Variants in ADAMTSL1 observed in about 807,000 individuals in gnomAD.
ADAMTSL1 encodes ADAMTS-like protein 1.
Under a neutral mutation model 201.8 loss-of-function variants are expected in ADAMTSL1, and 126 were observed. The observed-to-expected ratio is 0.62, with a 90% CI of 0.54 to 0.72. The LOEUF (loss-of-function observed/expected upper bound fraction) is 0.72. Ranked by LOEUF, ADAMTSL1 falls within the 30% of genes least tolerant of loss-of-function variation. ADAMTSL1 has a pLI of 0.00. For missense variants in ADAMTSL1, 2,679 were observed against 2,277.8 expected (o/e 1.18, Z -3.59); for synonymous variants, 1,121 against 903.4 (o/e 1.24, Z -4.32).
In ADAMTSL1 at chr9:18,680,459, C is replaced by T. The variant is rs758800903; in HGVS notation, c.1284C>T (p.Ile428=). 3.7e-6 allele frequency: 6 copies of T among 1,614,066 alleles called. No individual in the cohort carries two copies. The highest frequency in any genetic ancestry group is 2.2e-5 in the East Asian group (1 of 44,898). The stretch of plus-strand genomic sequence containing the variant: ...GCATGTACACCCCTAAGATGCCCAT[C>T]GCGCAGCCCTGCAACATTTTTGACT... The part of the protein sequence containing the change: ...WKCMYTPKMP[I]AQPCNIFDCP... Residue 428 remains isoleucine, a synonymous_variant, in exon 11 of 29, where the codon ATC becomes ATT. Transcript: ENST00000380548.
At chr9:18,800,230 A>C (rs929837548) in intron 20 of ADAMTSL1, among the ~76,000 whole-genome samples, 5 of 152,038 alleles carry the variant, frequency 3.3e-5, no homozygotes, top group African/African-American at 1.2e-4. Flanking sequence ...TATAAATATT[A>C]GCCATGTGTG....
At chr9:18,295,072 G>A (rs948423283) in intron 2 of ADAMTSL1, among the ~76,000 whole-genome samples, 1 of 152,050 alleles carries the variant, frequency 6.6e-6, no homozygotes, top group South Asian at 2.1e-4. Context: ...GTATGTGTGT[G>A]TGGCATGCTG....
intron 20 of ADAMTSL1, among the ~76,000 whole-genome samples, chr9:18,812,803 T>C (rs1050385264): frequency 6.6e-6 from 1 of 152,156 alleles, no homozygotes; most frequent in Non-Finnish European, 1.5e-5. Flanking sequence ...CTTGGCACTT[T>C]TGTTGAAAAT....
chr9:18,633,363 G>C (rs1381386292), intron 5 of ADAMTSL1, among the ~76,000 whole-genome samples: 1 of 151,988 alleles, frequency 6.6e-6, no homozygotes, highest in Non-Finnish European at 1.5e-5. Flanking sequence ...AGGCCGAGGT[G>C]GGTGGATCAC....
At chr9:17,995,929 C>G (rs549916380) in intron 1 of ADAMTSL1, among the ~76,000 whole-genome samples, 1 of 152,048 alleles carries the variant, frequency 6.6e-6, no homozygotes, top group East Asian at 1.9e-4. Flanking sequence ...TAAAATGACA[C>G]AGTCCGTATA....
intron 26 of ADAMTSL1, among the ~76,000 whole-genome samples, chr9:18,898,182 C>T (rs1235465277): frequency 1.3e-5 from 2 of 152,090 alleles, no homozygotes; most frequent in African/African-American, 2.4e-5. Context: ...GAGCGAGACT[C>T]CGTCTCAAAA....
intron 2 of ADAMTSL1, among the ~76,000 whole-genome samples, chr9:18,447,632 G>T (rs1820242369): frequency 6.6e-6 from 1 of 152,192 alleles, no homozygotes; most frequent in African/African-American, 2.4e-5. Context: ...AATTATAAGT[G>T]TGTGTTTGGA....
At chr9:18,560,212 G>A (rs539618061) in intron 3 of ADAMTSL1, among the ~76,000 whole-genome samples, 136 of 152,246 alleles carry the variant, frequency 8.9e-4, no homozygotes, top group Non-Finnish European at 1.7e-3. Flanking sequence ...AGAGCTTTTA[G>A]CATGAAGGGG....
chr9:18,456,607 C>A (rs978821874), intron 2 of ADAMTSL1, among the ~76,000 whole-genome samples: 2 of 152,156 alleles, frequency 1.3e-5, no homozygotes, highest in African/African-American at 4.8e-5. Context: ...TCTTTCACTG[C>A]CTGGATTTCT....
At chr9:18,303,998 A>C (rs1202091608) in intron 2 of ADAMTSL1, among the ~76,000 whole-genome samples, 1 of 152,106 alleles carries the variant, frequency 6.6e-6, no homozygotes, top group Non-Finnish European at 1.5e-5. Flanking sequence ...TCCGACAGTT[A>C]CACTGCTCTG....
At chr9:18,612,462 T>C (rs541971309) in intron 4 of ADAMTSL1, among the ~76,000 whole-genome samples, 2 of 152,180 alleles carry the variant, frequency 1.3e-5, no homozygotes, top group Non-Finnish European at 2.9e-5. Context: ...TTTTAGTTGC[T>C]TGCTGTATGC....
At chr9:17,976,353 T>A (rs1180076581) in intron 1 of ADAMTSL1, among the ~76,000 whole-genome samples, 2 of 152,086 alleles carry the variant, frequency 1.3e-5, no homozygotes, top group African/African-American at 4.8e-5. Flanking sequence ...TTCCAATTCG[T>A]GAACATGGGA....
In ADAMTSL1 at chr9:18,838,812, C is replaced by G. The variant is rs1253762456; in HGVS notation, c.4249+8835C>G. 1.3e-5 allele frequency among the ~76,000 whole-genome samples: 2 copies of G among 150,896 alleles called. 1 individual carries two copies. The highest frequency in any genetic ancestry group is 2.9e-5 in the Non-Finnish European group (2 of 67,862). On this transcript the variant is annotated intron_variant, in intron 23 of 28. Coordinates refer to ENST00000380548, the MANE Select transcript of ADAMTSL1 (RefSeq NM_001040272.6). ...AGGGAGGCTGCAAGTGAGCTATAAT[C>G]TGCAAGTGAGCTATAATCGCACCAC...
intron 15 of ADAMTSL1, among the ~76,000 whole-genome samples, chr9:18,746,746 A>C (rs1409919218): frequency 5.3e-5 from 8 of 150,812 alleles, no homozygotes; most frequent in African/African-American, 2.0e-4. Context: ...TTGGCAACTC[A>C]CATAATGAGC....
chr9:18,620,335 G>C (rs1391314354), intron 4 of ADAMTSL1, among the ~76,000 whole-genome samples: 1 of 152,062 alleles, frequency 6.6e-6, no homozygotes, highest in Non-Finnish European at 1.5e-5. Context: ...TCTGCCACTA[G>C]ATTGTAAAGT....
intron 2 of ADAMTSL1, among the ~76,000 whole-genome samples, chr9:18,252,282 A>G (rs905381459): frequency 2.0e-5 from 3 of 152,160 alleles, no homozygotes; most frequent in African/African-American, 4.8e-5. Context: ...CAAATGGCCT[A>G]TAGACATGAA....
intron 20 of ADAMTSL1, among the ~76,000 whole-genome samples, chr9:18,809,618 C>T (rs968306445): frequency 2.0e-5 from 3 of 151,988 alleles, no homozygotes; most frequent in East Asian, 1.9e-4. Flanking sequence ...GGTGAAACTC[C>T]GTTTCTATTA....
At chr9:18,411,300 G>A (rs1461809532) in intron 2 of ADAMTSL1, among the ~76,000 whole-genome samples, 3 of 151,690 alleles carry the variant, frequency 2.0e-5, no homozygotes, top group Non-Finnish European at 4.4e-5. Flanking sequence ...AGACTCAAAC[G>A]ACCCTTCCAC....
At chr9:18,186,912 G>C (rs938139078) in intron 2 of ADAMTSL1, among the ~76,000 whole-genome samples, 3 of 151,840 alleles carry the variant, frequency 2.0e-5, no homozygotes, top group African/African-American at 7.2e-5. Flanking sequence ...GATAAGGATG[G>C]GTTTGTCCAG....
Sources: allele counts gnomAD v4.1 joint callset (sites outside exome capture counted in the v4.1 genomes callset), GRCh38; gene constraint gnomAD v4.1.1; transcripts MANE v1.5; gene names NCBI Gene and HGNC (gene_info 2026-07-23, HGNC 2026-07-21).